The following ARHGAP17 variants were observed in gnomAD, a reference collection of about 807,000 sequenced individuals.
ARHGAP17 encodes the protein Rho GTPase activating protein 17.
Under a neutral mutation model 99.5 loss-of-function variants are expected in ARHGAP17, and 57 were observed. The ratio of observed to expected loss-of-function variants is 0.57; its 90% confidence interval spans 0.46 to 0.71. The LOEUF (loss-of-function observed/expected upper bound fraction) is 0.71, where lower values mean the gene tolerates loss of function less well. Ranked by LOEUF, ARHGAP17 falls within the 30% of genes least tolerant of loss-of-function variation. The probability of loss-of-function intolerance (pLI) is 0.00; values close to 1 mark genes in which losing one functional copy is unlikely to be tolerated. For missense variants in ARHGAP17, 1,000 were observed against 1,122.4 expected (o/e 0.89, Z 1.56); for synonymous variants, 417 against 429.6 (o/e 0.97, Z 0.36).
chr16:24,957,272 A>C (rs1419169268), intron 9 of ARHGAP17: 2 of 152,290 alleles, frequency 1.3e-5, no homozygotes, highest in African/African-American at 4.8e-5. Flanking sequence ...TTGCTTTTTG[A>C]GTTTAAGGTG....
intron 12 of ARHGAP17, among the ~76,000 whole-genome samples, 174 bp downstream of exon 12, chr16:24,952,115 T>A (rs558992380): frequency 1.2e-4 from 18 of 148,336 alleles, no homozygotes; most frequent in Admixed American, 2.6e-4. Context: ...CCTACACTAA[T>A]AATTATAATA....
chr16:25,002,453 G>A (rs13335372), intron 1 of ARHGAP17, among the ~76,000 whole-genome samples: 58,691 of 151,832 alleles, frequency 0.39, 11,618 homozygotes, highest in East Asian at 0.53. Flanking sequence ...GACTCCATCG[G>A]CTGCCAGCTG....
intron 13 of ARHGAP17, among the ~76,000 whole-genome samples, chr16:24,948,637 G>A (rs886923028): frequency 6.6e-6 from 1 of 151,974 alleles, no homozygotes; most frequent in Non-Finnish European, 1.5e-5. Flanking sequence ...TAATCAAAGG[G>A]AATATTTAAA....
chr16:24,931,527 G>T, intron 18 of ARHGAP17, 123 bp from the exon 19 acceptor site: 1 of 1,019,772 alleles, frequency 9.8e-7, no homozygotes, highest in Non-Finnish European at 1.3e-6. Flanking sequence ...CCTCTGATGA[G>T]AGGTGGTCAG....
chr16:24,930,594 A>C, intron 19 of ARHGAP17, 190 bp downstream of exon 19: 19 of 945,644 alleles, frequency 2.0e-5, no homozygotes, highest in Non-Finnish European at 2.6e-5. Context: ...CACAGACAAT[A>C]TGTTAACAAA....
At chr16:24,983,598 A>G (rs899651799) in intron 1 of ARHGAP17, among the ~76,000 whole-genome samples, 1 of 152,118 alleles carries the variant, frequency 6.6e-6, no homozygotes, top group African/African-American at 2.4e-5. Context: ...CGCCCAGCCT[A>G]GATTGTTTTG....
chr16:24,995,031 G>A (rs904369612), intron 1 of ARHGAP17, among the ~76,000 whole-genome samples: 1 of 152,122 alleles, frequency 6.6e-6, no homozygotes, highest in Non-Finnish European at 1.5e-5. Context: ...TCTTCAAATG[G>A]CATCAGCAAG....
chr16:24,933,103 A>G (rs2051039706), intron 18 of ARHGAP17, among the ~76,000 whole-genome samples: 1 of 152,186 alleles, frequency 6.6e-6, no homozygotes, highest in African/African-American at 2.4e-5. Flanking sequence ...AGTAAGGGGC[A>G]GAACTGAGAC....
chr16:24,954,361 G>C (rs907893114), intron 10 of ARHGAP17, among the ~76,000 whole-genome samples: 2 of 152,206 alleles, frequency 1.3e-5, no homozygotes, highest in Non-Finnish European at 2.9e-5. Context: ...AATCAGGAAA[G>C]GTAAACATTG....
intron 7 of ARHGAP17, among the ~76,000 whole-genome samples, chr16:24,961,518 A>AAT (rs1567232776): frequency 7.4e-5 from 6 of 81,504 alleles, no homozygotes; most frequent in East Asian, 5.1e-4. Context: ...AAAAAAAAAA[A>AAT]TTTTTTTTTT....
At chr16:24,948,482 A>T (rs1464979138) in intron 13 of ARHGAP17, among the ~76,000 whole-genome samples, 1 of 152,168 alleles carries the variant, frequency 6.6e-6, no homozygotes, top group African/African-American at 2.4e-5. Context: ...TGTGCTCCCT[A>T]TTCAAAAATC....
intron 13 of ARHGAP17, among the ~76,000 whole-genome samples, chr16:24,947,860 T>G (rs1282369060): frequency 1.3e-5 from 2 of 152,226 alleles, no homozygotes; most frequent in African/African-American, 4.8e-5. Flanking sequence ...TTCTAATCAA[T>G]TTCTCCTTTA....
At chr16:24,984,471 G>A (rs1219932549) in intron 1 of ARHGAP17, among the ~76,000 whole-genome samples, 3 of 152,002 alleles carry the variant, frequency 2.0e-5, no homozygotes, top group East Asian at 1.9e-4. Context: ...TCGAGACCAC[G>A]GTGAAACCCC....
intron 1 of ARHGAP17, among the ~76,000 whole-genome samples, chr16:24,998,971 C>T (rs1458970320): frequency 6.6e-6 from 1 of 152,122 alleles, no homozygotes; most frequent in African/African-American, 2.4e-5. Flanking sequence ...AGGTGAAGAC[C>T]TTTGAGGTGC....
At chr16:24,973,762 A>G (rs529781738) in intron 3 of ARHGAP17, among the ~76,000 whole-genome samples, 3 of 152,240 alleles carry the variant, frequency 2.0e-5, no homozygotes, top group Non-Finnish European at 4.4e-5. Context: ...TGAGACCATG[A>G]AAACTTACAT....
At chr16:24,979,123 G>C (rs764963349) in intron 1 of ARHGAP17, 118 bp from the exon 2 acceptor site, 1 of 704,504 alleles carries the variant, frequency 1.4e-6, no homozygotes, top group Non-Finnish European at 2.3e-6. Flanking sequence ...ATTTAGAAGG[G>C]TTGGCAGGGG....
intron 1 of ARHGAP17, among the ~76,000 whole-genome samples, chr16:24,997,052 TAAAC>T (rs1369026647): frequency 6.6e-6 from 1 of 152,256 alleles, no homozygotes; most frequent in Non-Finnish European, 1.5e-5. Flanking sequence ...TGGTGGGTAT[TAAAC>T]AAGTCAATAC....
chr16:24,978,506 A>C lies in ARHGAP17; in HGVS notation c.93+460T>G, dbSNP rs75265750. On this transcript the variant is annotated intron_variant, in intron 2 of 19. Coordinates refer to ENST00000289968, the MANE Select transcript of ARHGAP17 (RefSeq NM_001006634.3). ...AGGCAGAAGAACACAGGGCAAATCA[A>C]GGGATGTTTCACGTCAGAAACAGAC... Among the ~76,000 whole-genome samples, 410 of 152,346 alleles carry C rather than the reference A, an allele frequency of 2.7e-3. 1 individual carries two copies. The highest frequency in any genetic ancestry group is 4.0e-3 in the Non-Finnish European group (272 of 68,042).
chr16:24,971,424 G>T (rs895872804), intron 3 of ARHGAP17, among the ~76,000 whole-genome samples: 3 of 150,708 alleles, frequency 2.0e-5, no homozygotes, highest in Admixed American at 6.6e-5. Context: ...CCGCCTGCCA[G>T]GTTCAAGTGA....
Sources: allele counts gnomAD v4.1 joint callset (sites outside exome capture counted in the v4.1 genomes callset), GRCh38; gene constraint gnomAD v4.1.1; transcripts MANE v1.5; gene names NCBI Gene and HGNC (gene_info 2026-07-23, HGNC 2026-07-21).